The following ITGAM variants were observed in gnomAD, a reference collection of about 807,000 sequenced individuals.
The protein encoded by ITGAM is integrin alpha-M.
A neutral mutation model predicts 137.5 loss-of-function variants in ITGAM; 79 were observed. The ratio of observed to expected loss-of-function variants is 0.57; its 90% CI spans 0.48 to 0.69. The LOEUF (loss-of-function observed/expected upper bound fraction) is 0.69. Ranked by LOEUF, ITGAM falls within the 30% of genes least tolerant of loss-of-function variation. The probability of loss-of-function intolerance (pLI) is 0.00; values close to 1 mark genes in which losing one functional copy is unlikely to be tolerated. For synonymous variants in ITGAM, 583 were observed against 592.3 expected, an observed-to-expected ratio of 0.98 and a Z score of 0.23; for missense variants, 1,343 against 1,483.5, an observed-to-expected ratio of 0.91 and a Z score of 1.56.
intron 12 of ITGAM, among the ~76,000 whole-genome samples, chr16:31,278,472 G>T (rs1164148186): frequency 1.3e-5 from 2 of 152,264 alleles, no homozygotes; most frequent in East Asian, 3.9e-4. Context: ...TGCTTCCCCA[G>T]TCTCTGTGGG....
In ITGAM at chr16:31,266,072, T is replaced by C. The variant is rs2079763533; in HGVS notation, c.352T>C (p.Tyr118His). The C allele has an allele frequency of 1.2e-6, 2 of 1,613,632 alleles. No homozygotes were observed. Among genetic ancestry groups the C allele is most frequent in the African/African-American group, 1.3e-5 (1 of 74,836 alleles). The part of the protein sequence containing the change: ...TVHQTCSENT[Y>H]VKGLCFLFGS... ...GCACCAGACTTGCAGTGAGAACACG[T>C]ATGTGAAAGGGCTCTGCTTCCTGTT... Residue 118 changes from tyrosine (Y) to histidine (H), a missense_variant, in exon 5 of 30, where the codon TAT (tyrosine) becomes CAT (histidine). Tyr to His is a moderately conservative substitution (Grantham distance 83). Transcript: ENST00000544665.
chr16:31,277,191 C>T (rs893932660), intron 11 of ITGAM, 142 bp downstream of exon 11: 3 of 725,396 alleles, frequency 4.1e-6, no homozygotes, highest in Non-Finnish European at 6.1e-6. Context: ...GCTTTAAAGA[C>T]AGAAACTTCA....
chr16:31,325,494 T>A lies in ITGAM; in HGVS notation c.2506-6T>A. The A allele has an allele frequency of 6.2e-7, 1 of 1,613,956 alleles. No homozygotes were observed. The highest frequency in any genetic ancestry group is 8.5e-7 in the Non-Finnish European group (1 of 1,179,864). Reference sequence around the variant, plus strand: ...TATCACCGCCTTTGCCTCCCCTGCCTTCCAGAACCAGCGCTCACAGCGATC... The same window carrying A: ...TATCACCGCCTTTGCCTCCCCTGCCATCCAGAACCAGCGCTCACAGCGATC... On this transcript the variant is annotated splice_region_variant and splice_polypyrimidine_tract_variant and intron_variant, in intron 20 of 29. Transcript: ENST00000544665.
chr16:31,323,546 CCAAAGA>C (rs2080472708), intron 16 of ITGAM, among the ~76,000 whole-genome samples: 1 of 151,686 alleles, frequency 6.6e-6, no homozygotes, highest in Non-Finnish European at 1.5e-5. Context: ...CTGCTGAAGA[CCAAAGA>C]CAAAGAGAAA....
intron 12 of ITGAM, among the ~76,000 whole-genome samples, chr16:31,281,156 C>A (rs1203802368): frequency 1.3e-5 from 2 of 152,124 alleles, no homozygotes; most frequent in African/African-American, 2.4e-5. Flanking sequence ...TGATGTTCAT[C>A]AGGGATATTG....
chr16:31,271,349 C>G (rs1223926417), intron 6 of ITGAM, among the ~76,000 whole-genome samples: 1 of 152,116 alleles, frequency 6.6e-6, no homozygotes, highest in Non-Finnish European at 1.5e-5. Flanking sequence ...GTTCTATTTT[C>G]ATTTTTATTT....
chr16:31,307,630 G>A (rs1192627652), intron 14 of ITGAM, among the ~76,000 whole-genome samples: 10 of 152,046 alleles, frequency 6.6e-5, no homozygotes, highest in African/African-American at 9.7e-5. Context: ...CTAATCGAAT[G>A]CCCTTTATTC....
intron 14 of ITGAM, among the ~76,000 whole-genome samples, chr16:31,309,916 T>C (rs888636819): frequency 6.6e-6 from 1 of 152,072 alleles, no homozygotes; most frequent in African/African-American, 2.4e-5. Context: ...TTATGAAGCT[T>C]AGTTTGGCTG....
In ITGAM at chr16:31,270,695, G is replaced by GTA. The variant is rs2079823171; in HGVS notation, c.428-258_428-257insAT. Among the ~76,000 whole-genome samples, 3 of 23,620 alleles carry GTA rather than the reference G, an allele frequency of 1.3e-4. No individual in the cohort carries two copies. The Admixed American group carries it at 1.6e-3, about 13-fold the overall frequency. The allele number at this position is 23,620 out of a possible 152,430, so 15.5% of individuals were successfully genotyped here. A position where few individuals can be genotyped will look rare whatever the true frequency, so the allele number is the denominator to read the frequency against. Reference sequence around the variant, plus strand: ...TGCCTGACTAATTTTTAACGTGTGTGTGTGTATATATATATATATATATAT... The same window carrying GTA: ...TGCCTGACTAATTTTTAACGTGTGTGTATGTGTATATATATATATATATATAT... On this transcript the variant is annotated intron_variant, in intron 5 of 29. Transcript: ENST00000544665.
At chr16:31,301,888 T>G (rs1445975105) in intron 14 of ITGAM, among the ~76,000 whole-genome samples, 1 of 152,186 alleles carries the variant, frequency 6.6e-6, no homozygotes, top group African/African-American at 2.4e-5. Flanking sequence ...TATTTAAGGT[T>G]TCACTACATG....
In ITGAM at chr16:31,332,533, T is replaced by C. The variant is rs61761289; in HGVS notation, c.*826T>C. 4 of 152,224 alleles carry C rather than the reference T, an allele frequency of 2.6e-5. No individual in the cohort carries two copies. The East Asian group carries it at 7.7e-4, about 29-fold the overall frequency. 9.4% of individuals were successfully genotyped at this position (152,224 alleles called of 1,614,324 possible). On this transcript the variant is annotated 3_prime_UTR_variant, in exon 30 of 30. Coordinates refer to ENST00000544665, the MANE Select transcript of ITGAM (RefSeq NM_000632.4). Reference sequence around the variant, plus strand: ...GATATTCAAGTCACCTCCTTAAAGGTAGTCAAGATTGTGTTTTGAGGTTTC... The same window carrying C: ...GATATTCAAGTCACCTCCTTAAAGGCAGTCAAGATTGTGTTTTGAGGTTTC...
chr16:31,328,766 G>C (rs546280781), intron 23 of ITGAM, among the ~76,000 whole-genome samples: 9 of 140,940 alleles, frequency 6.4e-5, no homozygotes, highest in African/African-American at 2.5e-4. Context: ...ATGTGCATGC[G>C]TGTGCGCATG....
At chr16:31,304,967 T>C (rs1325994333) in intron 14 of ITGAM, among the ~76,000 whole-genome samples, 1 of 152,116 alleles carries the variant, frequency 6.6e-6, no homozygotes, top group East Asian at 1.9e-4. Context: ...TCCATATGAG[T>C]TTTAGGATTG....
At chr16:31,304,896 G>T (rs186126066) in intron 14 of ITGAM, among the ~76,000 whole-genome samples, 60 of 152,174 alleles carry the variant, frequency 3.9e-4, no homozygotes, top group South Asian at 2.1e-3. Context: ...GTACTGTGAT[G>T]CCTCCAGATT....
intron 14 of ITGAM, among the ~76,000 whole-genome samples, chr16:31,313,173 G>A (rs2080353710): frequency 6.6e-6 from 1 of 151,900 alleles, no homozygotes; most frequent in African/African-American, 2.4e-5. Context: ...AGCCAAGACT[G>A]CACCACTGCA....
In ITGAM at chr16:31,277,000, C is replaced by T. The variant is rs2079914307; in HGVS notation, c.1164C>T (p.Thr388=). The part of the protein sequence containing the change: ...VFLYTSKEKS[T]FINMTRVDSD... ...TATATACATCAAAGGAGAAAAGCAC[C>T]TTCATCAACATGACCAGAGTGGATT... is the stretch of plus-strand genomic sequence containing the variant. Residue 388 remains threonine (T), a synonymous_variant, in exon 11 of 30, where the codon ACC becomes ACT. Transcript: ENST00000544665. The T allele has an allele frequency of 1.2e-6, 2 of 1,613,142 alleles. No individual in the cohort carries two copies. Among genetic ancestry groups the T allele is most frequent in the Non-Finnish European group, 1.7e-6 (2 of 1,179,530 alleles).
intron 7 of ITGAM, 75 bp from the exon 8 acceptor site, chr16:31,273,290 T>C: frequency 1.5e-6 from 2 of 1,320,336 alleles, no homozygotes; most frequent in Non-Finnish European, 2.1e-6. Flanking sequence ...AGTGAGTGTC[T>C]ATTTCTTAAA....
At chr16:31,270,739 A>T (rs1190181650) in intron 5 of ITGAM, among the ~76,000 whole-genome samples, 17 of 112,692 alleles carry the variant, frequency 1.5e-4, no homozygotes, top group Non-Finnish European at 2.7e-4. Flanking sequence ...ATATATATAT[A>T]TATATGTTTT....
At chr16:31,286,221 G>T (rs2144345667) in intron 12 of ITGAM, among the ~76,000 whole-genome samples, 1 of 151,896 alleles carries the variant, frequency 6.6e-6, no homozygotes, top group East Asian at 1.9e-4. Context: ...TGGTGTATAT[G>T]TACCACATTT....
Sources: gnomAD v4.1 joint callset for allele counts (sites outside exome capture counted in the v4.1 genomes callset) on GRCh38, gnomAD v4.1.1 for gene constraint, MANE v1.5 for transcripts, NCBI Gene and HGNC (gene_info 2026-07-23, HGNC 2026-07-21) for gene names.